IMPA2: variants seen among roughly 807,000 people sequenced by gnomAD.
The protein encoded by IMPA2 is IMP 2.
IMPA2 carries 32 observed loss-of-function variants against 35.1 expected under a neutral mutation model. That is an observed-to-expected ratio of 0.91 (90% CI 0.69 to 1.23). IMPA2 has a LOEUF of 1.23. IMPA2 is among the 50% of genes most tolerant of loss of function. The pLI is 0.00. For synonymous variants in IMPA2, 135 were observed against 160.6 expected (o/e 0.84, Z 1.20); for missense variants, 334 against 387.6 (o/e 0.86, Z 1.16).
chr18:12,009,138 G>A (rs1907361999), intron 2 of IMPA2, among the ~76,000 whole-genome samples: 1 of 152,194 alleles, frequency 6.6e-6, no homozygotes, highest in Non-Finnish European at 1.5e-5. Flanking sequence ...CTAGCTGAAT[G>A]TGGTGGTATG....
At chr18:12,016,440 T>C (rs1277232952) in intron 5 of IMPA2, among the ~76,000 whole-genome samples, 2 of 151,860 alleles carry the variant, frequency 1.3e-5, no homozygotes, top group Non-Finnish European at 2.9e-5. Flanking sequence ...TTTTTTTTTT[T>C]TCTGAGATGG....
intron 1 of IMPA2, among the ~76,000 whole-genome samples, chr18:11,993,677 G>A (rs978944621): frequency 1.3e-5 from 2 of 152,218 alleles, no homozygotes; most frequent in Non-Finnish European, 2.9e-5. Context: ...GGCAGTGGGC[G>A]GACGGCCACA....
At chr18:12,018,923 G>A (rs1164568606) in intron 5 of IMPA2, among the ~76,000 whole-genome samples, 2 of 151,860 alleles carry the variant, frequency 1.3e-5, no homozygotes, top group Admixed American at 6.6e-5. Flanking sequence ...TCCAGGGCCC[G>A]AATGATCCTC....
chr18:12,015,419 G>A (rs567780198), intron 5 of IMPA2, among the ~76,000 whole-genome samples: 2 of 152,324 alleles, frequency 1.3e-5, no homozygotes, highest in South Asian at 2.1e-4. Flanking sequence ...GATGGCCTTC[G>A]AGGCAGCGAG....
intron 1 of IMPA2, among the ~76,000 whole-genome samples, chr18:11,982,174 T>C (rs547228907): frequency 6.6e-6 from 1 of 152,192 alleles, no homozygotes; most frequent in Admixed American, 6.5e-5. Flanking sequence ...CGTTTGATTG[T>C]CCTGGCTGCA....
rs1036207947 is a variant in IMPA2, at chr18:12,030,284, C to T, written c.752-59C>T. On this transcript the variant is annotated intron_variant, in intron 7 of 7. Transcript: ENST00000269159. The stretch of plus-strand genomic sequence containing the variant: ...TGTGCATGTGGGATAAGTTGTTACA[C>T]AACATTGTTCAGCCCTCTCTGGTAA... The T allele has an allele frequency of 2.3e-6, 3 of 1,305,930 alleles. No individual in the cohort carries two copies. The African/African-American group carries it at 4.3e-5, about 19-fold the overall frequency. The allele number at this position is 1,305,930 out of a possible 1,614,324, so 80.9% of individuals were successfully genotyped here.
intron 5 of IMPA2, among the ~76,000 whole-genome samples, chr18:12,026,509 C>T (rs1347762218): frequency 1.3e-5 from 2 of 152,182 alleles, no homozygotes; most frequent in African/African-American, 4.8e-5. Flanking sequence ...GACTCCAATC[C>T]TACCTTCTTG....
chr18:11,996,500 G>A (rs1906961612), intron 1 of IMPA2, among the ~76,000 whole-genome samples: 1 of 152,144 alleles, frequency 6.6e-6, no homozygotes, highest in South Asian at 2.1e-4. Flanking sequence ...CAAGCATGAA[G>A]TAAAGCCACT....
At chr18:12,011,347 G>A (rs778156791) in intron 3 of IMPA2, among the ~76,000 whole-genome samples, 8 of 152,206 alleles carry the variant, frequency 5.3e-5, no homozygotes, top group African/African-American at 1.2e-4. Context: ...CTCAGATGGC[G>A]CCTGTTCACC....
chr18:12,005,471 C>T (rs375355664), intron 2 of IMPA2, among the ~76,000 whole-genome samples: 6 of 146,946 alleles, frequency 4.1e-5, no homozygotes, highest in Non-Finnish European at 8.9e-5. Context: ...GCTGACAAAG[C>T]GAGACCATGT....
At chr18:12,021,236 T>A (rs997340061) in intron 5 of IMPA2, among the ~76,000 whole-genome samples, 2 of 152,014 alleles carry the variant, frequency 1.3e-5, no homozygotes, top group Non-Finnish European at 2.9e-5. Flanking sequence ...GTACAAAAAA[T>A]TTAAAAATTA....
chr18:12,018,485 C>G (rs1329115279), intron 5 of IMPA2, among the ~76,000 whole-genome samples: 1 of 152,164 alleles, frequency 6.6e-6, no homozygotes, highest in Non-Finnish European at 1.5e-5. Flanking sequence ...TGATGCTTCT[C>G]CAGTCATTCT....
At position 11,998,364 on chromosome 18, in the gene IMPA2, G is replaced by T. The variant is rs918574326; in HGVS notation, c.97-690G>T. 2.9e-4 allele frequency among the ~76,000 whole-genome samples: 44 copies of T among 152,232 alleles called. 2 individuals carry two copies. The highest frequency in any genetic ancestry group is 2.9e-5 in the Non-Finnish European group (2 of 68,026). On this transcript the variant is annotated intron_variant, in intron 1 of 7. Transcript: ENST00000269159. ...TGTGATGGGTTTAGACCAGTGTGTTGGCAGCTTGCACAGCTGCGGAGCCTG... is the reference window on the plus strand; with the variant it reads ...TGTGATGGGTTTAGACCAGTGTGTTTGCAGCTTGCACAGCTGCGGAGCCTG...
intron 1 of IMPA2, among the ~76,000 whole-genome samples, chr18:11,989,074 T>G (rs976041204): frequency 6.6e-6 from 1 of 152,156 alleles, no homozygotes; most frequent in African/African-American, 2.4e-5. Flanking sequence ...AGAGATGCAG[T>G]GTGGAAGTCA....
At chr18:11,993,025 C>G (rs906641431) in intron 1 of IMPA2, among the ~76,000 whole-genome samples, 2 of 152,118 alleles carry the variant, frequency 1.3e-5, no homozygotes, top group Non-Finnish European at 2.9e-5. Context: ...TGTAACAATA[C>G]AAAAATTAGC....
chr18:11,995,745 A>G (rs1906942516), intron 1 of IMPA2, among the ~76,000 whole-genome samples: 1 of 151,184 alleles, frequency 6.6e-6, no homozygotes, highest in African/African-American at 2.5e-5. Flanking sequence ...GGATCTTTTC[A>G]ACAGGGCAAC....
intron 7 of IMPA2, 64 bp downstream of exon 7, chr18:12,029,057 C>A: frequency 6.9e-7 from 1 of 1,442,622 alleles, no homozygotes; most frequent in Non-Finnish European, 9.4e-7. Flanking sequence ...GTGGGTGGGG[C>A]ACTTCCTGAA....
At chr18:12,002,324 T>C (rs1476442932) in intron 2 of IMPA2, among the ~76,000 whole-genome samples, 4 of 152,250 alleles carry the variant, frequency 2.6e-5, no homozygotes, top group Admixed American at 2.6e-4. Context: ...TAGTCTTTCA[T>C]GAAATGATAT....
chr18:11,992,835 C>T (rs867815758), intron 1 of IMPA2, among the ~76,000 whole-genome samples: 5 of 152,302 alleles, frequency 3.3e-5, no homozygotes, highest in Non-Finnish European at 5.9e-5. Flanking sequence ...GCCCTGTGGA[C>T]GTGATCCTGG....
Sources: allele counts gnomAD v4.1 joint callset (sites outside exome capture counted in the v4.1 genomes callset), GRCh38; gene constraint gnomAD v4.1.1; transcripts MANE v1.5; gene names NCBI Gene and HGNC (gene_info 2026-07-23, HGNC 2026-07-21).